The following NBEAL1 variants were observed in gnomAD, a reference collection of about 807,000 sequenced individuals.
The protein encoded by NBEAL1 is neurobeachin-like protein 1.
Under a neutral mutation model 351.3 loss-of-function variants are expected in NBEAL1, and 273 were observed. The ratio of observed to expected loss-of-function variants is 0.78; its 90% CI spans 0.70 to 0.86. The LOEUF (loss-of-function observed/expected upper bound fraction) is 0.86, where lower values mean the gene tolerates loss of function less well. Among genes scored for constraint, NBEAL1 ranks in the 40% least tolerant of loss-of-function variants. The pLI, the probability that NBEAL1 is intolerant of heterozygous loss-of-function variation, is 0.00. For synonymous variants in NBEAL1, 1,050 were observed against 1,086.4 expected (o/e 0.97, Z 0.66); for missense variants, 2,961 against 3,201.3 (o/e 0.92, Z 1.81).
chr2:203,177,173 A>G lies in NBEAL1; in HGVS notation c.6464+1886A>G, dbSNP rs954875917. Among the ~76,000 whole-genome samples the G allele has an allele frequency of 5.9e-5, 9 of 151,662 alleles. No homozygotes were observed. The South Asian group carries it at 1.9e-3, about 32-fold the overall frequency. ...CTCAAAAAAAAAAAAAAAAAGGAAA[A>G]GAAAAGAAATGAAATGAAAACTATA... On this transcript the variant is annotated intron_variant, in intron 42 of 55. Coordinates refer to ENST00000683969, the MANE Select transcript of NBEAL1 (RefSeq NM_001378026.1).
At chr2:203,054,914 C>A (rs1328307553) in intron 4 of NBEAL1, among the ~76,000 whole-genome samples, 2 of 152,138 alleles carry the variant, frequency 1.3e-5, no homozygotes, top group African/African-American at 4.8e-5. Flanking sequence ...TAGAGACAGT[C>A]ATTTTCAGGC....
rs2064791658 is a variant in NBEAL1, at chr2:203,183,407, G to A, written c.6705+19G>A. On this transcript the variant is annotated intron_variant, in intron 44 of 55. Coordinates refer to ENST00000683969, the MANE Select transcript of NBEAL1 (RefSeq NM_001378026.1). ...AGCTTTGGTAAGAGTTTTGCATTTA[G>A]TTATTTGACAGAATAATAAGATAAA... The A allele has an allele frequency of 7.6e-7, 1 of 1,320,720 alleles. No individual in the cohort carries two copies. The highest frequency in any genetic ancestry group is 1.1e-6 in the Non-Finnish European group (1 of 940,652). 81.8% of individuals were successfully genotyped at this position (1,320,720 alleles called of 1,614,324 possible).
intron 8 of NBEAL1, among the ~76,000 whole-genome samples, chr2:203,082,697 T>TAAA: frequency 6.6e-6 from 1 of 152,278 alleles, no homozygotes; most frequent in Middle Eastern, 3.4e-3. Context: ...TTGAGGTTGT[T>TAAA]TTTTATGTTT....
At chr2:203,174,216 CAAAAA>C (rs10652390) in intron 41 of NBEAL1, among the ~76,000 whole-genome samples, 19 of 24,614 alleles carry the variant, frequency 7.7e-4, no homozygotes, top group South Asian at 6.9e-3. Context: ...TTTATACTAG[CAAAAA>C]AAAAAAAAAA....
rs564735151 is a variant in NBEAL1, at chr2:203,223,647, A to T, written c.*6293A>T. 9.9e-5 allele frequency among the ~76,000 whole-genome samples: 15 copies of T among 152,172 alleles called. 1 individual carries two copies. The East Asian group carries it at 1.9e-3, about 20-fold the overall frequency. ...GTCCTATTCCAATTGGACCTTTAAAATTTTTATTTTGGTAATATTTCAACT... is the reference window on the plus strand; with the variant it reads ...GTCCTATTCCAATTGGACCTTTAAATTTTTTATTTTGGTAATATTTCAACT... On this transcript the variant is annotated 3_prime_UTR_variant, in exon 56 of 56. Transcript: ENST00000683969.
At chr2:203,106,695 C>G (rs2062447965) in intron 12 of NBEAL1, among the ~76,000 whole-genome samples, 1 of 152,086 alleles carries the variant, frequency 6.6e-6, no homozygotes. Flanking sequence ...GACCCACATT[C>G]AACCATTTCT....
rs1434055 is a variant in NBEAL1, at chr2:203,222,136, G to A, written c.*4782G>A. Among the ~76,000 whole-genome samples, 75,575 of 152,074 alleles carry A rather than the reference G, an allele frequency of 0.5. 19,447 individuals carry two copies. Among genetic ancestry groups the A allele is most frequent in the Middle Eastern group, 0.68 (199 of 294 alleles). Reference sequence around the variant, plus strand: ...CTAGAGATCAAGGCTGCAGTAAGCTGTGATTGCACCACTGCACTTCAGCCT... The same window carrying A: ...CTAGAGATCAAGGCTGCAGTAAGCTATGATTGCACCACTGCACTTCAGCCT... On this transcript the variant is annotated 3_prime_UTR_variant, in exon 56 of 56. Transcript: ENST00000683969.
chr2:203,115,729 G>T (rs2062679823), intron 17 of NBEAL1, among the ~76,000 whole-genome samples: 1 of 152,114 alleles, frequency 6.6e-6, no homozygotes, highest in Admixed American at 6.6e-5. Flanking sequence ...GGGATTACAG[G>T]CTGTACCTGG....
chr2:203,107,912 G>A lies in NBEAL1; in HGVS notation c.1673G>A (p.Arg558His), dbSNP rs759107117. Reference sequence around the variant, plus strand: ...CAGTCAGTGAGCTCAGAAGAAATCCGTCGACTACTGAGATTGCTGAGAGTG... The same window carrying A: ...CAGTCAGTGAGCTCAGAAGAAATCCATCGACTACTGAGATTGCTGAGAGTG... The part of the protein sequence containing the change: ...GSQSVSSEEI[R>H]RLLRLLRVDE... The change falls in exon 14 of 56, where the codon CGT (arginine) becomes CAT (histidine). Residue 558 changes from arginine to histidine, a missense_variant. By Grantham distance (29) the Arg-to-His change is conservative (BLOSUM62 0). Coordinates refer to ENST00000683969, the MANE Select transcript of NBEAL1 (RefSeq NM_001378026.1). 9.0e-6 allele frequency: 14 copies of A among 1,553,604 alleles called. No individual in the cohort carries two copies. Among genetic ancestry groups the A allele is most frequent in the South Asian group, 3.6e-5 (3 of 84,214 alleles).
At chr2:203,173,178 A>G (rs1328197306) in intron 41 of NBEAL1, among the ~76,000 whole-genome samples, 4 of 152,190 alleles carry the variant, frequency 2.6e-5, no homozygotes, top group Non-Finnish European at 5.9e-5. Flanking sequence ...TTATAACTTA[A>G]TAATCAAACA....
chr2:203,095,785 T>G (rs1372161805), intron 10 of NBEAL1, among the ~76,000 whole-genome samples: 5 of 152,110 alleles, frequency 3.3e-5, no homozygotes, highest in Admixed American at 6.6e-5. Flanking sequence ...GTTTGTTTGT[T>G]TTTTTGAGTC....
At chr2:203,129,660 A>T (rs1415229930) in intron 24 of NBEAL1, among the ~76,000 whole-genome samples, 1 of 152,240 alleles carries the variant, frequency 6.6e-6, no homozygotes, top group African/African-American at 2.4e-5. Context: ...GCAGGGGTCA[A>T]TAAGAGAAGT....
At position 203,166,284 on chromosome 2, in the gene NBEAL1, T is replaced by A. The variant is rs777187918; in HGVS notation, c.5850T>A (p.Ile1950=). ...ACATTTACTTCTATGATGGCAGCAT[T>A]GAAAAAGAAGATGGTGAGGAGTTCT... The part of the protein sequence containing the change: ...TQHIYFYDGS[I]EKEDGVGFDF... The change falls in exon 37 of 56, where the codon ATT becomes ATA. Residue 1950 remains isoleucine, a synonymous_variant. Transcript: ENST00000683969. 6.2e-7 allele frequency: 1 copy of A among 1,600,194 alleles called. No individual in the cohort carries two copies. The highest frequency in any genetic ancestry group is 8.5e-7 in the Non-Finnish European group (1 of 1,176,818).
chr2:203,064,394 C>T (rs1213977565), intron 6 of NBEAL1, among the ~76,000 whole-genome samples: 1 of 152,140 alleles, frequency 6.6e-6, no homozygotes, highest in Non-Finnish European at 1.5e-5. Flanking sequence ...TTACTTATTA[C>T]TTGTAATTGA....
intron 19 of NBEAL1, 147 bp from the exon 20 acceptor site, chr2:203,125,205 T>A: frequency 2.0e-6 from 1 of 503,192 alleles, no homozygotes; most frequent in East Asian, 3.5e-5. Context: ...TAAAGCATCT[T>A]CCTACACAAA....
chr2:203,166,041 T>C lies in NBEAL1; in HGVS notation c.5715-108T>C. ...CAGCCTGGGTGACAGCAAGACCTTGTCTCAAAAAAAAGAAAAAAAAGAGAT... is the reference window on the plus strand; with the variant it reads ...CAGCCTGGGTGACAGCAAGACCTTGCCTCAAAAAAAAGAAAAAAAAGAGAT... On this transcript the variant is annotated intron_variant, in intron 36 of 55. Coordinates refer to ENST00000683969, the MANE Select transcript of NBEAL1 (RefSeq NM_001378026.1). 4.7e-6 allele frequency: 5 copies of C among 1,055,706 alleles called. No individual in the cohort carries two copies. The South Asian group carries it at 6.0e-5, about 13-fold the overall frequency. 65.4% of individuals were successfully genotyped at this position (1,055,706 alleles called of 1,614,324 possible).
intron 42 of NBEAL1, among the ~76,000 whole-genome samples, chr2:203,176,144 A>T (rs2064491464): frequency 6.6e-6 from 1 of 151,934 alleles, no homozygotes; most frequent in African/African-American, 2.4e-5. Flanking sequence ...TTAAAAGCTG[A>T]AAAGATCCAG....
chr2:203,024,743 TC>T (rs1171417804), intron 2 of NBEAL1, among the ~76,000 whole-genome samples: 1 of 151,892 alleles, frequency 6.6e-6, no homozygotes, highest in Non-Finnish European at 1.5e-5. Flanking sequence ...AGGCCTGTGG[TC>T]CCAGCTACTC....
chr2:203,187,718 C>T (rs577239711), intron 44 of NBEAL1, among the ~76,000 whole-genome samples: 28 of 150,238 alleles, frequency 1.9e-4, no homozygotes, highest in Non-Finnish European at 3.5e-4. Flanking sequence ...ACTCCAACCT[C>T]AGCGACAGAG....
Sources: gnomAD v4.1 joint callset for allele counts (sites outside exome capture counted in the v4.1 genomes callset) on GRCh38, gnomAD v4.1.1 for gene constraint, MANE v1.5 for transcripts, NCBI Gene and HGNC (gene_info 2026-07-23, HGNC 2026-07-21) for gene names.